Variants in POC1B observed in about 807,000 individuals in gnomAD.
The protein encoded by POC1B is POC1 centriolar protein B.
POC1B carries 44 observed loss-of-function variants against 60.6 expected under a neutral mutation model. That is an observed-to-expected ratio of 0.73 (90% CI 0.57 to 0.93). POC1B has a LOEUF of 0.93. Ranked by LOEUF, POC1B falls within the 40% of genes least tolerant of loss-of-function variation. The pLI is 0.00. For synonymous variants in POC1B, 180 were observed against 198.9 expected, an observed-to-expected ratio of 0.90 and a Z score of 0.80; for missense variants, 555 against 572.3, an observed-to-expected ratio of 0.97 and a Z score of 0.31.
chr12:89,467,345 T>G (rs1350047649), intron 8 of POC1B, among the ~76,000 whole-genome samples: 1 of 152,172 alleles, frequency 6.6e-6, no homozygotes, highest in Non-Finnish European at 1.5e-5. Flanking sequence ...CAAGCAAAAG[T>G]GCTATATAAT....
intron 2 of POC1B, among the ~76,000 whole-genome samples, chr12:89,504,467 C>G (rs1301251853): frequency 6.6e-6 from 1 of 152,108 alleles, no homozygotes; most frequent in South Asian, 2.1e-4. Flanking sequence ...ACAAACACTG[C>G]GGAAGGCCGC....
At chr12:89,502,184 T>C in intron 2 of POC1B, 1 of 1,150,198 alleles carries the variant, frequency 8.7e-7, no homozygotes, top group Non-Finnish European at 1.3e-6. Context: ...AATAATTATT[T>C]AATGTCTGGA....
chr12:89,418,756 C>T (rs1880413728), downstream of POC1B, among the ~76,000 whole-genome samples: 1 of 152,192 alleles, frequency 6.6e-6, no homozygotes, highest in South Asian at 2.1e-4. Flanking sequence ...CTCTCCTTCA[C>T]TTTCCACCAT....
At chr12:89,433,498 G>T (rs1881125593) in intron 10 of POC1B, among the ~76,000 whole-genome samples, 1 of 152,166 alleles carries the variant, frequency 6.6e-6, no homozygotes, top group Non-Finnish European at 1.5e-5. Flanking sequence ...TTTAACCCAG[G>T]TTGGCATTTT....
intron 3 of POC1B, among the ~76,000 whole-genome samples, chr12:89,493,188 C>CT (rs1334255659): frequency 1.3e-5 from 2 of 152,180 alleles, no homozygotes; most frequent in African/African-American, 2.4e-5. Context: ...CCCAGACCCC[C>CT]TTGGCCAAGC....
intron 10 of POC1B, among the ~76,000 whole-genome samples, chr12:89,446,007 T>A (rs951249100): frequency 6.6e-6 from 1 of 152,204 alleles, no homozygotes; most frequent in African/African-American, 2.4e-5. Context: ...GAAAAAATGC[T>A]CATCATCACT....
At chr12:89,467,504 C>T (rs753568551) in intron 8 of POC1B, 113 bp downstream of exon 8, 8 of 823,352 alleles carry the variant, frequency 9.7e-6, no homozygotes, top group Non-Finnish European at 1.5e-5. Context: ...AAAATATAAA[C>T]TCATTGACAA....
intron 2 of POC1B, chr12:89,523,984 T>C (rs1871175401): frequency 1.2e-6 from 2 of 1,613,820 alleles, no homozygotes; most frequent in Admixed American, 1.7e-5. Context: ...ATTGCTGATG[T>C]AAGTTTCAAG....
chr12:89,478,623 T>C (rs1440345332), intron 4 of POC1B, among the ~76,000 whole-genome samples: 4 of 152,180 alleles, frequency 2.6e-5, no homozygotes, highest in Non-Finnish European at 4.4e-5. Flanking sequence ...ATATAGCCAA[T>C]GTAAGCTGAG....
intron 2 of POC1B, among the ~76,000 whole-genome samples, chr12:89,505,203 T>C (rs1869836228): frequency 6.6e-6 from 1 of 152,238 alleles, no homozygotes; most frequent in African/African-American, 2.4e-5. Flanking sequence ...TTGGTGAGGA[T>C]GTAGAACAAC....
rs531026491 is a variant in POC1B at position 89,438,247 on chromosome 12, G to T, written c.1114-12868C>A. On this transcript the variant is annotated intron_variant, in intron 10 of 11. Coordinates refer to ENST00000313546, the MANE Select transcript of POC1B (RefSeq NM_172240.3). The stretch of plus-strand genomic sequence containing the variant: ...CCGAGGCGGGCGGATCACGAGGTCA[G>T]AAGATCGAGACCATCCTGGCTAACA... 2.0e-3 allele frequency among the ~76,000 whole-genome samples: 304 copies of T among 152,214 alleles called. 1 individual carries two copies. The highest frequency in any genetic ancestry group is 3.7e-3 in the Non-Finnish European group (251 of 68,000).
intron 10 of POC1B, among the ~76,000 whole-genome samples, chr12:89,431,434 T>C (rs1490854413): frequency 1.3e-5 from 2 of 149,506 alleles, no homozygotes; most frequent in South Asian, 2.1e-4. Context: ...TTTAAATCAC[T>C]ACACACACAC....
the POC1B span, among the ~76,000 whole-genome samples, chr12:89,401,831 G>C: frequency 1.3e-5 from 2 of 152,208 alleles, no homozygotes; most frequent in African/African-American, 4.8e-5. Context: ...ACTTTGCATG[G>C]GTCAGCCATG....
chr12:89,466,453 A>G (rs766775723), intron 9 of POC1B, among the ~76,000 whole-genome samples: 1 of 152,148 alleles, frequency 6.6e-6, no homozygotes, highest in African/African-American at 2.4e-5. Flanking sequence ...CCTTATTCTC[A>G]TGACAGCCAT....
the POC1B span, among the ~76,000 whole-genome samples, chr12:89,414,455 A>G: frequency 2.0e-5 from 3 of 152,114 alleles, no homozygotes; most frequent in Non-Finnish European, 2.9e-5. Context: ...CCATTGACCT[A>G]TTTTCCTAGT....
the POC1B span, among the ~76,000 whole-genome samples, chr12:89,407,226 TG>T: frequency 6.6e-6 from 1 of 151,126 alleles, no homozygotes; most frequent in Non-Finnish European, 1.5e-5. Flanking sequence ...TTTCTTTTTT[TG>T]GGGGGTGTGT....
chr12:89,525,425 C>G (rs531176080), intron 1 of POC1B: 2 of 1,380,628 alleles, frequency 1.4e-6, no homozygotes, highest in Non-Finnish European at 1.9e-6. Context: ...GCCCGCAAAA[C>G]GCTCTGTTCG....
At chr12:89,415,508 T>G (rs1468569796), downstream of POC1B, among the ~76,000 whole-genome samples, 1 of 151,996 alleles carries the variant, frequency 6.6e-6, no homozygotes, top group Non-Finnish European at 1.5e-5. Flanking sequence ...CCGGGCGTGG[T>G]AGCGGGTGCC....
intron 3 of POC1B, among the ~76,000 whole-genome samples, chr12:89,493,991 C>T (rs1180179787): frequency 6.6e-6 from 1 of 152,210 alleles, no homozygotes; most frequent in Non-Finnish European, 1.5e-5. Context: ...CCCACTGTGA[C>T]CAACTCTGAG....
Sources: allele counts gnomAD v4.1 joint callset (sites outside exome capture counted in the v4.1 genomes callset), GRCh38; gene constraint gnomAD v4.1.1; transcripts MANE v1.5; gene names NCBI Gene and HGNC (gene_info 2026-07-23, HGNC 2026-07-21).